FRMD5: variants seen among roughly 807,000 people sequenced by gnomAD.
The protein encoded by FRMD5 is FERM domain containing 5, also known as FERM domain-containing protein 5.
Under a neutral mutation model 69.0 loss-of-function variants are expected in FRMD5, and 20 were observed. That is an observed-to-expected ratio of 0.29 (90% CI 0.20 to 0.42). The LOEUF is 0.42. FRMD5 is among the 10% of genes least tolerant of loss of function. The pLI, the probability that FRMD5 is intolerant of heterozygous loss-of-function variation, is 1.00. For synonymous variants in FRMD5, 271 were observed against 260.1 expected (o/e 1.04, Z -0.40); for missense variants, 595 against 708.6 (o/e 0.84, Z 1.82).
intron 1 of FRMD5, among the ~76,000 whole-genome samples, chr15:44,152,891 T>C (rs984862248): frequency 6.9e-6 from 1 of 145,952 alleles, no homozygotes; most frequent in South Asian, 2.2e-4. Context: ...AAAAAAAAAG[T>C]AAACGGGCAA....
intron 1 of FRMD5, among the ~76,000 whole-genome samples, chr15:44,041,334 C>A (rs888592614): frequency 6.6e-6 from 1 of 152,148 alleles, no homozygotes; most frequent in African/African-American, 2.4e-5. Context: ...GAACTCAGCT[C>A]TGGACCAAGG....
chr15:43,917,403 T>C (rs1457209729), intron 4 of FRMD5, among the ~76,000 whole-genome samples: 1 of 152,142 alleles, frequency 6.6e-6, no homozygotes, highest in African/African-American at 2.4e-5. Flanking sequence ...AAAAAAATTT[T>C]TTTTTGAGAC....
chr15:43,957,352 T>C (rs1215213565), intron 1 of FRMD5, among the ~76,000 whole-genome samples: 1 of 152,186 alleles, frequency 6.6e-6, no homozygotes, highest in Non-Finnish European at 1.5e-5. Flanking sequence ...CCCACCACCA[T>C]GCCTGACTAA....
intron 1 of FRMD5, among the ~76,000 whole-genome samples, chr15:44,059,538 G>C (rs941708852): frequency 2.6e-5 from 4 of 152,088 alleles, no homozygotes; most frequent in African/African-American, 9.7e-5. Context: ...TTGAGATGGA[G>C]TCTCGCTCTC....
chr15:44,014,594 G>A (rs1409877505), intron 1 of FRMD5, among the ~76,000 whole-genome samples: 7 of 152,024 alleles, frequency 4.6e-5, no homozygotes, highest in African/African-American at 1.2e-4. Flanking sequence ...AAAATTAGCC[G>A]GGTGTGGTGG....
intron 1 of FRMD5, among the ~76,000 whole-genome samples, chr15:44,001,747 C>A (rs1890223733): frequency 6.6e-6 from 1 of 151,886 alleles, no homozygotes. Flanking sequence ...GCTGGGACTA[C>A]AGGCACATGC....
intron 7 of FRMD5, among the ~76,000 whole-genome samples, chr15:43,892,743 CA>C (rs2088821515): frequency 6.6e-6 from 1 of 152,152 alleles, no homozygotes; most frequent in South Asian, 2.1e-4. Context: ...AAGCCAGTCA[CA>C]AAAAATCAGG....
At chr15:44,173,140 A>G (rs1361950108) in intron 1 of FRMD5, among the ~76,000 whole-genome samples, 1 of 152,238 alleles carries the variant, frequency 6.6e-6, no homozygotes, top group East Asian at 1.9e-4. Context: ...AGGTAAAGGC[A>G]TATTAGGTTT....
At chr15:44,108,373 G>A (rs916115294) in intron 1 of FRMD5, among the ~76,000 whole-genome samples, 3 of 152,234 alleles carry the variant, frequency 2.0e-5, no homozygotes, top group Non-Finnish European at 4.4e-5. Context: ...GGCCAGGCGC[G>A]GTGGCTCATG....
rs1307857312 is a variant in FRMD5, at chr15:43,873,993, G to A, written c.1605C>T (p.Ile535=). 1 of 1,614,046 alleles carries A rather than the reference G, an allele frequency of 6.2e-7. No individual in the cohort carries two copies. The change falls in exon 14 of 14, where the codon ATC becomes ATT. Residue 535 remains isoleucine, a synonymous_variant. Coordinates refer to ENST00000417257, the MANE Select transcript of FRMD5 (RefSeq NM_032892.5). ...ATTGTTCAAACTCGGGGGTCTGGCG[G>A]ATATCACGGAAAAAGGCAATGTCAA... ...SDLDIAFFRD[I]RQTPEFEQFH...
chr15:44,098,278 G>A (rs893947607), intron 1 of FRMD5, among the ~76,000 whole-genome samples: 2 of 152,028 alleles, frequency 1.3e-5, no homozygotes, highest in Admixed American at 6.6e-5. Context: ...TGTAATCCTA[G>A]CACTTTGGGA....
chr15:44,187,062 T>G (rs1342716940), intron 1 of FRMD5, among the ~76,000 whole-genome samples: 1 of 152,210 alleles, frequency 6.6e-6, no homozygotes, highest in Non-Finnish European at 1.5e-5. Flanking sequence ...TAATGCACAA[T>G]TGGGGCTGCA....
At chr15:43,936,250 T>G (rs2089758845) in intron 1 of FRMD5, among the ~76,000 whole-genome samples, 1 of 152,228 alleles carries the variant, frequency 6.6e-6, no homozygotes. Context: ...TGGAGTACAG[T>G]GGCACAATCA....
At chr15:43,985,527 G>T (rs1477241337) in intron 1 of FRMD5, among the ~76,000 whole-genome samples, 2 of 152,062 alleles carry the variant, frequency 1.3e-5, no homozygotes, top group African/African-American at 2.4e-5. Context: ...ATCAAACTTG[G>T]CTATAATATG....
chr15:44,082,774 C>T (rs973143214), intron 1 of FRMD5, among the ~76,000 whole-genome samples: 1 of 151,896 alleles, frequency 6.6e-6, no homozygotes, highest in Non-Finnish European at 1.5e-5. Context: ...AAATCACAGG[C>T]TTGGGAATGA....
intron 1 of FRMD5, among the ~76,000 whole-genome samples, chr15:44,152,321 T>C (rs997049890): frequency 6.6e-6 from 1 of 152,252 alleles, no homozygotes; most frequent in African/African-American, 2.4e-5. Context: ...AAGATAAATC[T>C]AGGTTGTTAT....
At chr15:43,939,582 G>T (rs2089826319) in intron 1 of FRMD5, among the ~76,000 whole-genome samples, 1 of 151,712 alleles carries the variant, frequency 6.6e-6, no homozygotes, top group African/African-American at 2.4e-5. Flanking sequence ...TTTTGAGATA[G>T]GTTCTCACTC....
chr15:44,039,974 A>G (rs1892115727), intron 1 of FRMD5, among the ~76,000 whole-genome samples: 1 of 152,062 alleles, frequency 6.6e-6, no homozygotes, highest in South Asian at 2.1e-4. Context: ...TTTAGAGAAG[A>G]ACATAAATGA....
chr15:43,878,935 T>C (rs1355638358), intron 13 of FRMD5, among the ~76,000 whole-genome samples: 1 of 141,210 alleles, frequency 7.1e-6, no homozygotes, highest in East Asian at 2.0e-4. Flanking sequence ...TTCTTTTCTT[T>C]TTTTTTTTTT....
Sources: allele counts gnomAD v4.1 joint callset (sites outside exome capture counted in the v4.1 genomes callset), GRCh38; gene constraint gnomAD v4.1.1; transcripts MANE v1.5; gene names NCBI Gene and HGNC (gene_info 2026-07-23, HGNC 2026-07-21).